COL6A5: variants seen among roughly 807,000 people sequenced by gnomAD.
COL6A5 encodes collagen type VI alpha 5 chain.
A neutral mutation model predicts 65.6 loss-of-function variants in COL6A5; 48 were observed. The ratio of observed to expected loss-of-function variants is 0.73; its 90% CI spans 0.58 to 0.93. COL6A5 has a LOEUF of 0.93. Among genes scored for constraint, COL6A5 ranks in the 40% least tolerant of loss-of-function variants. The pLI, the probability that COL6A5 is intolerant of heterozygous loss-of-function variation, is 0.00. For synonymous variants in COL6A5, 291 were observed against 322.8 expected, an observed-to-expected ratio of 0.90 and a Z score of 1.05; for missense variants, 914 against 928.3, an observed-to-expected ratio of 0.98 and a Z score of 0.20.
exon 28 of COL6A5, chr3:130,422,776 A>G: frequency 6.7e-7 from 1 of 1,503,390 alleles, no homozygotes; most frequent in Non-Finnish European, 8.9e-7. Flanking sequence ...GATTTAGGGG[A>G]CTAGCAGTAA....
intron 10 of COL6A5, among the ~76,000 whole-genome samples, chr3:130,399,149 G>A (rs925266865): frequency 6.6e-6 from 1 of 152,154 alleles, no homozygotes; most frequent in African/African-American, 2.4e-5. Flanking sequence ...AGAATTCCTT[G>A]GTGTAGCCCA....
intron 24 of COL6A5, among the ~76,000 whole-genome samples, chr3:130,418,631 T>C (rs1243439619): frequency 6.6e-6 from 1 of 152,048 alleles, no homozygotes; most frequent in African/African-American, 2.4e-5. Context: ...CTTTTTGTCT[T>C]CTCCTTCAGT....
chr3:130,402,006 C>T (rs1231475834), intron 12 of COL6A5, among the ~76,000 whole-genome samples, 152 bp downstream of exon 12: 1 of 152,206 alleles, frequency 6.6e-6, no homozygotes, highest in East Asian at 1.9e-4. Context: ...AAATCCAGGT[C>T]AGGAGAGCTC....
chr3:130,402,507 A>G (rs1936850531), intron 12 of COL6A5, among the ~76,000 whole-genome samples: 1 of 152,234 alleles, frequency 6.6e-6, no homozygotes, highest in South Asian at 2.1e-4. Flanking sequence ...GGTAATGACT[A>G]AAAAAAGCAA....
intron 7 of COL6A5, among the ~76,000 whole-genome samples, chr3:130,475,796 G>A (rs973292042): frequency 6.6e-6 from 1 of 152,118 alleles, no homozygotes; most frequent in African/African-American, 2.4e-5. Flanking sequence ...GCTTGCTCAT[G>A]TGAATAGCTG....
At chr3:130,424,660 CA>C (rs1937572118) in intron 29 of COL6A5, among the ~76,000 whole-genome samples, 1 of 151,950 alleles carries the variant, frequency 6.6e-6, no homozygotes, top group South Asian at 2.1e-4. Context: ...ATTATGAAAG[CA>C]AAAAACGTGA....
intron 7 of COL6A5, among the ~76,000 whole-genome samples, chr3:130,475,581 T>TA (rs1316539992): frequency 6.6e-6 from 1 of 151,996 alleles, no homozygotes; most frequent in Non-Finnish European, 1.5e-5. Flanking sequence ...GAAGGAAAAT[T>TA]AAGAGAACTT....
chr3:130,352,507 T>A (rs1020539377), intron 1 of COL6A5, among the ~76,000 whole-genome samples: 7 of 152,136 alleles, frequency 4.6e-5, no homozygotes, highest in African/African-American at 1.2e-4. Context: ...GCAGTTTACA[T>A]AAATAATTAT....
chr3:130,413,742 C>T (rs1319317898), intron 21 of COL6A5, among the ~76,000 whole-genome samples, 162 bp downstream of exon 21: 1 of 151,614 alleles, frequency 6.6e-6, no homozygotes, highest in East Asian at 1.9e-4. Flanking sequence ...CTGCAGCTCC[C>T]GGGAACAGAA....
intron 1 of COL6A5, among the ~76,000 whole-genome samples, chr3:130,349,989 G>A (rs1260924895): frequency 6.6e-6 from 1 of 152,188 alleles, no homozygotes; most frequent in Non-Finnish European, 1.5e-5. Context: ...TCTGTATTTA[G>A]TGTAGTAAGA....
chr3:130,396,574 A>C (rs1936608563), intron 8 of COL6A5, among the ~76,000 whole-genome samples: 1 of 152,254 alleles, frequency 6.6e-6, no homozygotes, highest in South Asian at 2.1e-4. Context: ...TTGCTAAATT[A>C]GTTGACAGCA....
At chr3:130,385,642 T>G (rs1160472168) in intron 5 of COL6A5, among the ~76,000 whole-genome samples, 1 of 151,748 alleles carries the variant, frequency 6.6e-6, no homozygotes. Context: ...TGCTGTGGAG[T>G]GAGAGAGATT....
chr3:130,481,422 C>T (rs1417495869), intron 7 of COL6A5, among the ~76,000 whole-genome samples: 3 of 152,172 alleles, frequency 2.0e-5, no homozygotes, highest in Admixed American at 6.5e-5. Flanking sequence ...ATATGTGCCA[C>T]ATTTTCTTTA....
At chr3:130,438,405 G>A (rs9819811) in intron 1 of COL6A5, among the ~76,000 whole-genome samples, 11,166 of 147,626 alleles carry the variant, frequency 0.076, 901 homozygotes, top group East Asian at 0.31. Flanking sequence ...GAGTGAATGA[G>A]TGAATGAATG....
At chr3:130,399,989 C>G (rs1936761802) in intron 10 of COL6A5, among the ~76,000 whole-genome samples, 1 of 151,532 alleles carries the variant, frequency 6.6e-6, no homozygotes, top group Non-Finnish European at 1.5e-5. Context: ...TCACAAATAC[C>G]TGACCTCAGG....
At position 130,421,150 on chromosome 3, in the gene COL6A5, C is replaced by T. The variant is rs781212357; in HGVS notation, c.4951-3C>T. ...ATTGAAAAAAACTGGTGTGTTTACACAGGGAGATTCTGGCATCCCAGGCTA... is the reference window on the plus strand; with the variant it reads ...ATTGAAAAAAACTGGTGTGTTTACATAGGGAGATTCTGGCATCCCAGGCTA... On this transcript the variant is annotated splice_region_variant and splice_polypyrimidine_tract_variant and intron_variant and NMD_transcript_variant, in intron 25 of 41. Transcript: ENST00000312481. 233 of 1,550,122 alleles carry T rather than the reference C, an allele frequency of 1.5e-4. No individual in the cohort carries two copies. The highest frequency in any genetic ancestry group is 2.0e-4 in the Non-Finnish European group (225 of 1,146,058).
intron 3 of COL6A5, among the ~76,000 whole-genome samples, chr3:130,441,909 T>TA (rs1709191743): frequency 6.6e-6 from 1 of 152,174 alleles, no homozygotes; most frequent in African/African-American, 2.4e-5. Context: ...CTGACAGGTT[T>TA]AGAAGTAAAC....
exon 6 of COL6A5, chr3:130,388,814 C>T (rs1206725012): frequency 6.4e-7 from 1 of 1,551,384 alleles, no homozygotes; most frequent in Admixed American, 2.0e-5. Context: ...GATAGAATGT[C>T]TCTCATCAAT....
chr3:130,401,212 C>A, intron 11 of COL6A5, 39 bp downstream of exon 11: 1 of 1,497,892 alleles, frequency 6.7e-7, no homozygotes, highest in South Asian at 1.3e-5. Context: ...TTCAAAATGC[C>A]ATGGGAACTA....
Sources: allele counts gnomAD v4.1 joint callset (sites outside exome capture counted in the v4.1 genomes callset), GRCh38; gene constraint gnomAD v4.1.1; transcripts MANE v1.5; gene names NCBI Gene and HGNC (gene_info 2026-07-23, HGNC 2026-07-21).